Variants in MGAT5 observed in about 807,000 individuals in gnomAD.
The protein encoded by MGAT5 is alpha-1,6-mannosylglycoprotein 6-beta-N-acetylglucosaminyltransferase A.
In MGAT5, 30 loss-of-function variants were observed where a neutral mutation model predicts 94.3. The ratio of observed to expected loss-of-function variants is 0.32; its 90% CI spans 0.24 to 0.43. The LOEUF (loss-of-function observed/expected upper bound fraction) is 0.43, where lower values mean the gene tolerates loss of function less well. Among genes scored for constraint, MGAT5 ranks in the 20% least tolerant of loss-of-function variants. MGAT5 has a pLI of 1.00. For missense variants in MGAT5, 691 were observed against 905.5 expected (o/e 0.76, Z 3.04); for synonymous variants, 310 against 322.9 (o/e 0.96, Z 0.43).
At position 134,131,447 on chromosome 2, in the gene MGAT5, C is replaced by G. The variant is rs1054274108; in HGVS notation, c.-143+11156C>G. Among the ~76,000 whole-genome samples the G allele has an allele frequency of 4.6e-5, 7 of 152,174 alleles. No individual in the cohort carries two copies. The East Asian group carries it at 1.2e-3, about 25-fold the overall frequency. On this transcript the variant is annotated intron_variant, in intron 1 of 16. Coordinates refer to the MGAT5 transcript ENST00000409645. ...TATTCTTTTCACTCTGCTTTTCTGC[C>G]TTACAAGCGATAAGGCAAAAACACA...
At chr2:134,398,381 C>G (rs1391661448) in intron 10 of MGAT5, among the ~76,000 whole-genome samples, 1 of 152,218 alleles carries the variant, frequency 6.6e-6, no homozygotes, top group African/African-American at 2.4e-5. Flanking sequence ...GGGAGGACTA[C>G]TGCTGCCTAA....
chr2:134,439,086 G>A (rs1415237363), intron 14 of MGAT5, among the ~76,000 whole-genome samples: 1 of 152,138 alleles, frequency 6.6e-6, no homozygotes, highest in Non-Finnish European at 1.5e-5. Flanking sequence ...CAGGATCCTT[G>A]ATTTAAGGAG....
At chr2:134,372,076 T>C (rs1484023439) in intron 10 of MGAT5, among the ~76,000 whole-genome samples, 1 of 152,098 alleles carries the variant, frequency 6.6e-6, no homozygotes. Context: ...ATCTGTATGC[T>C]CCAACAGGTG....
At chr2:134,181,689 A>G (rs1688741500) in intron 1 of MGAT5, among the ~76,000 whole-genome samples, 1 of 152,224 alleles carries the variant, frequency 6.6e-6, no homozygotes, top group Non-Finnish European at 1.5e-5. Context: ...AAACACATAT[A>G]TATTTATATA....
intron 1 of MGAT5, among the ~76,000 whole-genome samples, chr2:134,264,311 C>T (rs894131449): frequency 1.3e-5 from 2 of 152,166 alleles, no homozygotes; most frequent in African/African-American, 4.8e-5. Context: ...CATGAGCCAC[C>T]GCACCCGGCC....
chr2:134,262,293 A>G (rs1215857921), intron 1 of MGAT5, among the ~76,000 whole-genome samples: 2 of 152,178 alleles, frequency 1.3e-5, no homozygotes, highest in African/African-American at 4.8e-5. Flanking sequence ...AGGCTGAAGT[A>G]CAGTAGTGTG....
At chr2:134,189,610 T>TGTTTTGTTTTTTTTG (rs1352982152) in intron 1 of MGAT5, among the ~76,000 whole-genome samples, 2 of 135,584 alleles carry the variant, frequency 1.5e-5, no homozygotes, top group African/African-American at 2.8e-5. Context: ...TTGTTTTTTT[T>TGTTTTGTTTTTTTTG]TTTTTTTTTT....
chr2:134,376,247 A>C (rs1681162526), intron 10 of MGAT5, among the ~76,000 whole-genome samples: 1 of 152,054 alleles, frequency 6.6e-6, no homozygotes. Context: ...TCACTGAAAT[A>C]CTCAATTCAA....
At chr2:134,147,571 C>G (rs1261790109) in intron 1 of MGAT5, among the ~76,000 whole-genome samples, 1 of 143,086 alleles carries the variant, frequency 7.0e-6, no homozygotes, top group Non-Finnish European at 1.5e-5. Context: ...TTTTTTGTAT[C>G]TTGAAGGAGC....
At chr2:134,301,768 C>T (rs990861566) in intron 2 of MGAT5, among the ~76,000 whole-genome samples, 3 of 152,130 alleles carry the variant, frequency 2.0e-5, no homozygotes, top group East Asian at 1.9e-4. Context: ...AGAATAAGGA[C>T]GTGCTGGAAC....
intron 2 of MGAT5, among the ~76,000 whole-genome samples, chr2:134,283,722 T>C (rs1210580239): frequency 1.4e-5 from 2 of 146,950 alleles, no homozygotes; most frequent in African/African-American, 5.1e-5. Context: ...GCTTTGAGGC[T>C]TCAGAATCCC....
intron 1 of MGAT5, among the ~76,000 whole-genome samples, chr2:134,207,785 CT>C (rs1680087191): frequency 6.6e-6 from 1 of 152,138 alleles, no homozygotes; most frequent in African/African-American, 2.4e-5. Context: ...CTACCGCCCC[CT>C]GCCTGCCACC....
intron 10 of MGAT5, among the ~76,000 whole-genome samples, chr2:134,385,886 G>A (rs1681940667): frequency 6.6e-6 from 1 of 152,054 alleles, no homozygotes. Flanking sequence ...TTTTTTGTTT[G>A]TTTTTACTTA....
intron 2 of MGAT5, among the ~76,000 whole-genome samples, chr2:134,287,525 G>T (rs1685087501): frequency 6.6e-6 from 1 of 152,122 alleles, no homozygotes. Flanking sequence ...AGTGAGGGCT[G>T]GCAGCTGCTG....
At position 134,322,731 on chromosome 2, in the gene MGAT5, ACTTTC is replaced by A. The variant is rs570867009; in HGVS notation, c.573+3996_573+4000del. ...TTTTATTCTTTCCTGCTGTCTTGAA[ACTTTC>A]CTTATTCTGTTATTTAAGTTAACTC... is the stretch of plus-strand genomic sequence containing the variant. On this transcript the variant is annotated intron_variant, in intron 4 of 15. Transcript: ENST00000281923. Among the ~76,000 whole-genome samples, 21 of 152,028 alleles carry A rather than the reference ACTTTC, an allele frequency of 1.4e-4. No homozygotes were observed. In the South Asian group the frequency reaches 4.4e-3, roughly 32 times the overall value.
intron 10 of MGAT5, among the ~76,000 whole-genome samples, chr2:134,386,177 T>G (rs962354188): frequency 6.6e-6 from 1 of 152,144 alleles, no homozygotes; most frequent in Non-Finnish European, 1.5e-5. Flanking sequence ...AAAAATCACT[T>G]AAGCATCAGG....
rs1685150411 is a variant in MGAT5 at position 134,436,047 on chromosome 2, G to C, written c.1870-5711G>C. Among the ~76,000 whole-genome samples, 3 of 152,184 alleles carry C rather than the reference G, an allele frequency of 2.0e-5. No individual in the cohort carries two copies. In the South Asian group the frequency reaches 6.2e-4, roughly 32 times the overall value. On this transcript the variant is annotated intron_variant, in intron 14 of 15. Transcript: ENST00000281923. ...TCAGCCAACTCAACTTTTACCTCCA[G>C]ACTCTTGCAGCAAAGAATGGTCAAC... is the stretch of plus-strand genomic sequence containing the variant.
In MGAT5 at chr2:134,345,113, A is replaced by G. The variant is rs779111044; in HGVS notation, c.1112+49A>G. The G allele has an allele frequency of 4.4e-6, 7 of 1,582,098 alleles. No individual in the cohort carries two copies. The East Asian group carries it at 1.6e-4, about 36-fold the overall frequency. ...CTTAAGGTTTTTTTTCCCCTCCTTA[A>G]CAAAGGTTGCATGGTTGTGGGTAGA... is the stretch of plus-strand genomic sequence containing the variant. On this transcript the variant is annotated intron_variant, in intron 8 of 15. Transcript: ENST00000281923.
chr2:134,127,000 C>T (rs933110299), intron 1 of MGAT5: 2 of 153,188 alleles, frequency 1.3e-5, no homozygotes, highest in Non-Finnish European at 2.9e-5. Context: ...AGAGAAAGTA[C>T]CATCTCTGCC....
Sources: allele counts gnomAD v4.1 joint callset (sites outside exome capture counted in the v4.1 genomes callset), GRCh38; gene constraint gnomAD v4.1.1; transcripts MANE v1.5; gene names NCBI Gene and HGNC (gene_info 2026-07-23, HGNC 2026-07-21).